Variants in APPBP2 observed in about 807,000 individuals in gnomAD.
The protein encoded by APPBP2 is amyloid protein-binding protein 2.
In APPBP2, 15 loss-of-function variants were observed where a neutral mutation model predicts 76.0. The ratio of observed to expected loss-of-function variants is 0.20; its 90% CI spans 0.13 to 0.30. APPBP2 has a LOEUF of 0.30. Among genes scored for constraint, APPBP2 ranks in the 10% least tolerant of loss-of-function variants. The pLI, the probability that APPBP2 is intolerant of heterozygous loss-of-function variation, is 1.00. For missense variants in APPBP2, 401 were observed against 687.2 expected, an observed-to-expected ratio of 0.58 and a Z score of 4.66; for synonymous variants, 222 against 242.2, an observed-to-expected ratio of 0.92 and a Z score of 0.77.
chr17:60,478,998 G>A (rs1285252261), intron 4 of APPBP2, 150 bp downstream of exon 4: 3 of 671,936 alleles, frequency 4.5e-6, no homozygotes, highest in Non-Finnish European at 7.0e-6. Flanking sequence ...ATATTTTAGA[G>A]ATGAGAGGAT....
rs141610301 is a variant in APPBP2, at chr17:60,478,693, A to C, written c.503+455T>G. 8.7e-3 allele frequency among the ~76,000 whole-genome samples: 1,319 copies of C among 152,296 alleles called. 12 individuals are homozygous for C. The highest frequency in any genetic ancestry group is 0.029 in the African/African-American group (1,213 of 41,572). On this transcript the variant is annotated intron_variant, in intron 4 of 12. Transcript: ENST00000083182. The stretch of plus-strand genomic sequence containing the variant: ...TCCCAGCACTTTGGGAGGCCAAGGC[A>C]GGTGGATCACCTGAAGTCAGGAGTT...
chr17:60,476,889 C>T (rs1033955057), intron 4 of APPBP2, among the ~76,000 whole-genome samples: 1 of 152,144 alleles, frequency 6.6e-6, no homozygotes. Flanking sequence ...AGTTATCTAC[C>T]CAATATTCCT....
chr17:60,512,619 G>A (rs1284811117), intron 1 of APPBP2, among the ~76,000 whole-genome samples: 1 of 151,122 alleles, frequency 6.6e-6, no homozygotes, highest in Non-Finnish European at 1.5e-5. Context: ...GGAGGATCAC[G>A]AGGTCAGAAG....
At position 60,526,120 on chromosome 17, in the gene APPBP2, G is replaced by A. The variant is rs995317893; in HGVS notation, c.-189C>T. The A allele has an allele frequency of 6.7e-6, 4 of 600,868 alleles. No individual in the cohort carries two copies. In the East Asian group the frequency reaches 8.5e-5, roughly 13 times the overall value. 37.2% of individuals were successfully genotyped at this position (600,868 alleles called of 1,614,324 possible). A position where few individuals can be genotyped will look rare whatever the true frequency, so the allele number is the denominator to read the frequency against. ...TGAGGGACGGCGGCAGCGGACGCAGGCCCGAGTAAAAAGTGGGACAGAAAA... is the reference window on the plus strand; with the variant it reads ...TGAGGGACGGCGGCAGCGGACGCAGACCCGAGTAAAAAGTGGGACAGAAAA... On this transcript the variant is annotated 5_prime_UTR_variant, in exon 1 of 13. Transcript: ENST00000083182.
chr17:60,511,881 T>C (rs2143483938), intron 1 of APPBP2, among the ~76,000 whole-genome samples: 1 of 152,192 alleles, frequency 6.6e-6, no homozygotes, highest in East Asian at 1.9e-4. Flanking sequence ...TATATAAAGA[T>C]ATATTTTTTC....
chr17:60,524,718 C>A (rs1444794012), intron 1 of APPBP2, among the ~76,000 whole-genome samples: 4 of 151,420 alleles, frequency 2.6e-5, no homozygotes, highest in African/African-American at 7.3e-5. Flanking sequence ...ACATAAACAT[C>A]TGTTAAAATA....
intron 1 of APPBP2, among the ~76,000 whole-genome samples, chr17:60,504,385 A>G (rs1489438772): frequency 6.6e-6 from 1 of 152,220 alleles, no homozygotes; most frequent in Non-Finnish European, 1.5e-5. Flanking sequence ...GTGTATATAA[A>G]TATCAACGTA....
chr17:60,462,053 T>A lies in APPBP2; in HGVS notation c.771A>T (p.Val257=). The A allele has an allele frequency of 6.2e-7, 1 of 1,612,794 alleles. No homozygotes were observed. Among genetic ancestry groups the A allele is most frequent in the Middle Eastern group, 1.7e-4 (1 of 6,048 alleles). ...CTGCCTTCTTAAATTCACGTTTTAC[T>A]ACACAAGCCTAAAGATAAAGTGAAA... ...DVLRQASKAC[V]VKREFKKAEQ... Residue 257 remains valine (V), a synonymous_variant, in exon 7 of 13, where the codon GTA becomes GTT. Coordinates refer to ENST00000083182, the MANE Select transcript of APPBP2 (RefSeq NM_006380.5).
At chr17:60,507,401 T>C (rs949876947) in intron 1 of APPBP2, among the ~76,000 whole-genome samples, 9 of 152,096 alleles carry the variant, frequency 5.9e-5, no homozygotes, top group African/African-American at 2.2e-4. Context: ...TTTATACTTT[T>C]AGTAGAGATG....
chr17:60,514,255 C>T (rs1238376464), intron 1 of APPBP2, among the ~76,000 whole-genome samples: 1 of 152,162 alleles, frequency 6.6e-6, no homozygotes, highest in African/African-American at 2.4e-5. Context: ...GATTGCACCA[C>T]TGCATTCCAG....
chr17:60,491,054 TA>T (rs2090725094), intron 3 of APPBP2, among the ~76,000 whole-genome samples: 2 of 152,126 alleles, frequency 1.3e-5, no homozygotes, highest in African/African-American at 2.4e-5. Flanking sequence ...TGGAACTGGG[TA>T]ACAGGCAAAG....
At chr17:60,516,325 G>A (rs1337046152) in intron 1 of APPBP2, among the ~76,000 whole-genome samples, 1 of 152,140 alleles carries the variant, frequency 6.6e-6, no homozygotes, top group Non-Finnish European at 1.5e-5. Context: ...CAATTTTTGT[G>A]CATTTTAAGA....
rs746528065 is a variant in APPBP2, at chr17:60,494,519, G to A, written c.326C>T (p.Ala109Val). The A allele has an allele frequency of 8.1e-6, 13 of 1,612,122 alleles. No homozygotes were observed. The highest frequency in any genetic ancestry group is 1.3e-5 in the African/African-American group (1 of 74,792). Residue 109 changes from alanine to valine, a missense_variant, in exon 3 of 13, where the codon GCA becomes GTA. Ala to Val is a moderately conservative substitution (Grantham distance 64). Transcript: ENST00000083182. ...TTCCTTTACTGCAGCATCTGATTCTGCTATATAAGAGCACCGCCTACTGAA... is the reference window on the plus strand; with the variant it reads ...TTCCTTTACTGCAGCATCTGATTCTACTATATAAGAGCACCGCCTACTGAA... ...YSFSRRCSYI[A>V]ESDAAVKEKA...
chr17:60,499,137 C>A lies in APPBP2; in HGVS notation c.227+1262G>T, dbSNP rs148957245. 8.4e-4 allele frequency among the ~76,000 whole-genome samples: 127 copies of A among 152,046 alleles called. 1 individual carries two copies. The East Asian group carries it at 0.022, about 26-fold the overall frequency. On this transcript the variant is annotated intron_variant, in intron 2 of 12. Transcript: ENST00000083182. ...CTTGAGCCCAGGAGTTCGAGACCAGCCTGGGCAACACAGCGAGACCTCATC... is the reference window on the plus strand; with the variant it reads ...CTTGAGCCCAGGAGTTCGAGACCAGACTGGGCAACACAGCGAGACCTCATC...
chr17:60,525,664 C>T, intron 1 of APPBP2, 130 bp downstream of exon 1: 3 of 1,405,652 alleles, frequency 2.1e-6, no homozygotes, highest in Non-Finnish European at 2.9e-6. Context: ...GCAGACACCG[C>T]ACCAGACGTT....
At chr17:60,521,209 TCA>T (rs1256835519) in intron 1 of APPBP2, among the ~76,000 whole-genome samples, 1 of 152,216 alleles carries the variant, frequency 6.6e-6, no homozygotes, top group Non-Finnish European at 1.5e-5. Context: ...ACATAAAGTT[TCA>T]GTCAACAACC....
At chr17:60,452,079 C>CT in intron 11 of APPBP2, 34 bp from the exon 12 acceptor site, 1 of 1,602,652 alleles carries the variant, frequency 6.2e-7, no homozygotes, top group Non-Finnish European at 8.5e-7. Context: ...AATCATTATA[C>CT]TTTTTCTCAT....
intron 4 of APPBP2, among the ~76,000 whole-genome samples, chr17:60,473,121 C>T (rs1181717228): frequency 6.6e-5 from 10 of 152,126 alleles, no homozygotes; most frequent in African/African-American, 9.7e-5. Flanking sequence ...CTAACCTTTT[C>T]ATCTTATTTT....
chr17:60,475,196 C>T (rs1224616894), intron 4 of APPBP2, among the ~76,000 whole-genome samples: 1 of 152,132 alleles, frequency 6.6e-6, no homozygotes, highest in South Asian at 2.1e-4. Context: ...CACCACTGCA[C>T]TCCAGCCTGG....
Sources: allele counts gnomAD v4.1 joint callset (sites outside exome capture counted in the v4.1 genomes callset), GRCh38; gene constraint gnomAD v4.1.1; transcripts MANE v1.5; gene names NCBI Gene and HGNC (gene_info 2026-07-23, HGNC 2026-07-21).